The following RHBDD1 variants were observed in gnomAD, a reference collection of about 807,000 sequenced individuals.
RHBDD1 encodes the protein rhomboid-related protein 4.
A neutral mutation model predicts 36.3 loss-of-function variants in RHBDD1; 38 were observed. The observed-to-expected ratio is 1.05, with a 90% CI of 0.81 to 1.37. The LOEUF (loss-of-function observed/expected upper bound fraction) is 1.37. Among genes scored for constraint, RHBDD1 ranks in the 40% most tolerant of loss-of-function variants. RHBDD1 has a pLI of 0.00. For missense variants in RHBDD1, 393 were observed against 377.6 expected, an observed-to-expected ratio of 1.04 and a Z score of -0.34; for synonymous variants, 151 against 136.5, an observed-to-expected ratio of 1.11 and a Z score of -0.74.
chr2:226,887,526 T>C (rs1946332450), intron 5 of RHBDD1, among the ~76,000 whole-genome samples: 1 of 152,236 alleles, frequency 6.6e-6, no homozygotes, highest in Non-Finnish European at 1.5e-5. Context: ...ATTTGAACTC[T>C]CAACAGAGGG....
chr2:226,927,854 G>A (rs899863774), intron 8 of RHBDD1, among the ~76,000 whole-genome samples: 5 of 151,986 alleles, frequency 3.3e-5, no homozygotes, highest in Non-Finnish European at 7.4e-5. Context: ...GAATAAAAGC[G>A]CTTCATAAGA....
chr2:226,926,998 A>G (rs1018493506), intron 8 of RHBDD1, among the ~76,000 whole-genome samples: 1 of 152,092 alleles, frequency 6.6e-6, no homozygotes, highest in Non-Finnish European at 1.5e-5. Context: ...TGTGGTGTAC[A>G]CTTATGTGAG....
chr2:226,970,308 C>T (rs1953203745), intron 8 of RHBDD1, among the ~76,000 whole-genome samples: 1 of 151,934 alleles, frequency 6.6e-6, no homozygotes. Context: ...TCTCCAGCTT[C>T]TCATTTTTAG....
the RHBDD1 span, among the ~76,000 whole-genome samples, chr2:226,806,661 C>T: frequency 5.3e-5 from 8 of 152,276 alleles, no homozygotes; most frequent in South Asian, 4.1e-4. Context: ...TCACTTACAA[C>T]GAAATACAAC....
the RHBDD1 span, among the ~76,000 whole-genome samples, chr2:226,808,952 G>A: frequency 3.9e-5 from 6 of 152,188 alleles, no homozygotes; most frequent in Non-Finnish European, 5.9e-5. Context: ...GATGGGGGAA[G>A]ATCAGGAGTT....
chr2:226,966,064 G>A (rs987766662), intron 8 of RHBDD1, among the ~76,000 whole-genome samples: 1 of 152,094 alleles, frequency 6.6e-6, no homozygotes, highest in African/African-American at 2.4e-5. Context: ...GTATAAGGTT[G>A]GTTCAACATA....
chr2:226,829,363 T>A, the RHBDD1 span, among the ~76,000 whole-genome samples: 1 of 152,176 alleles, frequency 6.6e-6, no homozygotes, highest in South Asian at 2.1e-4. Flanking sequence ...GTTCTTTTAT[T>A]CTAGATTATA....
chr2:226,912,102 A>G (rs1019531202), intron 7 of RHBDD1, among the ~76,000 whole-genome samples: 1 of 152,206 alleles, frequency 6.6e-6, no homozygotes, highest in Non-Finnish European at 1.5e-5. Flanking sequence ...CACATGGCCA[A>G]TAAGCACATA....
At chr2:226,892,123 C>A (rs1185425451) in intron 5 of RHBDD1, among the ~76,000 whole-genome samples, 1 of 152,184 alleles carries the variant, frequency 6.6e-6, no homozygotes, top group Non-Finnish European at 1.5e-5. Context: ...ATTGCATAAG[C>A]AGATTCAGCT....
At chr2:226,879,645 A>G (rs969267517) in intron 5 of RHBDD1, among the ~76,000 whole-genome samples, 6 of 152,252 alleles carry the variant, frequency 3.9e-5, no homozygotes, top group African/African-American at 1.4e-4. Context: ...TGAAAGTATA[A>G]CATTCCTTTC....
At chr2:226,836,811 T>A (rs1941024236) in intron 1 of RHBDD1, among the ~76,000 whole-genome samples, 1 of 152,242 alleles carries the variant, frequency 6.6e-6, no homozygotes, top group African/African-American at 2.4e-5. Flanking sequence ...TTTATCTAAT[T>A]TCTCACAGTT....
chr2:226,988,333 A>T (rs1399578512), intron 8 of RHBDD1: 2 of 1,549,452 alleles, frequency 1.3e-6, no homozygotes, highest in South Asian at 2.4e-5. Context: ...CATCTGCAGG[A>T]AAACCAGGTC....
At chr2:226,894,157 C>T (rs539949948) in intron 5 of RHBDD1, among the ~76,000 whole-genome samples, 3 of 152,300 alleles carry the variant, frequency 2.0e-5, no homozygotes, top group Non-Finnish European at 4.4e-5. Context: ...CATCTGTAAC[C>T]ACCTGCATTC....
At chr2:226,933,005 G>A (rs1950121970) in intron 8 of RHBDD1, among the ~76,000 whole-genome samples, 1 of 152,082 alleles carries the variant, frequency 6.6e-6, no homozygotes, top group African/African-American at 2.4e-5. Flanking sequence ...CATGGTGGAA[G>A]GCAAAGGAGA....
the RHBDD1 span, among the ~76,000 whole-genome samples, chr2:226,813,025 G>A: frequency 1.3e-4 from 20 of 152,272 alleles, no homozygotes; most frequent in East Asian, 3.7e-3. Flanking sequence ...GAGTAATGAT[G>A]CCTTGAGTCC....
rs1222345853 is a variant in RHBDD1 at position 226,997,152 on chromosome 2, C to T, written c.*1630C>T. 1.3e-5 allele frequency: 2 copies of T among 152,108 alleles called. No individual in the cohort carries two copies. Among genetic ancestry groups the T allele is most frequent in the African/African-American group, 4.8e-5 (2 of 41,406 alleles). 9.4% of individuals were successfully genotyped at this position (152,108 alleles called of 1,614,324 possible). A position where few individuals can be genotyped will look rare whatever the true frequency, so the allele number is the denominator to read the frequency against. On this transcript the variant is annotated 3_prime_UTR_variant, in exon 9 of 9. Coordinates refer to ENST00000392062, the MANE Select transcript of RHBDD1 (RefSeq NM_001167608.3). ...GGAGCTCTTTGGCCTCCTGGCTGGC[C>T]CAGTAATATCTGAGCTCCTTTGGTT...
At chr2:226,966,110 CAT>C (rs1387266765) in intron 8 of RHBDD1, among the ~76,000 whole-genome samples, 1 of 152,078 alleles carries the variant, frequency 6.6e-6, no homozygotes, top group African/African-American at 2.4e-5. Flanking sequence ...ACATAAAAAC[CAT>C]ATGATTGTCT....
rs558020005 is a variant in RHBDD1 at position 226,995,496 on chromosome 2, C to T, written c.922C>T (p.Arg308Trp). The change falls in exon 9 of 9, where the codon CGG (arginine) becomes TGG (tryptophan). Residue 308 changes from arginine to tryptophan, a missense_variant. Transcript: ENST00000392062. The part of the protein sequence containing the change: ...HLSPEEMRRQ[R>W]LHRFDSQ The stretch of plus-strand genomic sequence containing the variant: ...CTCACCAGAAGAAATGAGGAGACAG[C>T]GGCTTCACAGATTCGATAGCCAGTG... The T allele has an allele frequency of 2.5e-6, 4 of 1,612,022 alleles. No homozygotes were observed. Among genetic ancestry groups the T allele is most frequent in the Admixed American group, 3.3e-5 (2 of 59,848 alleles).
chr2:226,925,689 T>C (rs1949619996), intron 8 of RHBDD1, among the ~76,000 whole-genome samples: 1 of 152,250 alleles, frequency 6.6e-6, no homozygotes, highest in Non-Finnish European at 1.5e-5. Context: ...TGTTAGTTAC[T>C]GTATAAGGCA....
Sources: gnomAD v4.1 joint callset for allele counts (sites outside exome capture counted in the v4.1 genomes callset) on GRCh38, gnomAD v4.1.1 for gene constraint, MANE v1.5 for transcripts, NCBI Gene and HGNC (gene_info 2026-07-23, HGNC 2026-07-21) for gene names.